ANO10: variants seen among roughly 807,000 people sequenced by gnomAD.
The protein encoded by ANO10 is anoctamin 10.
Under a neutral mutation model 74.7 loss-of-function variants are expected in ANO10, and 77 were observed. The observed-to-expected ratio is 1.03, with a 90% confidence interval of 0.86 to 1.25. The LOEUF is 1.25. Among genes scored for constraint, ANO10 ranks in the 50% most tolerant of loss-of-function variants. The pLI, the probability that ANO10 is intolerant of heterozygous loss-of-function variation, is 0.00. For synonymous variants in ANO10, 279 were observed against 284.9 expected, an observed-to-expected ratio of 0.98 and a Z score of 0.21; for missense variants, 721 against 778.1, an observed-to-expected ratio of 0.93 and a Z score of 0.87.
In ANO10 at chr3:43,410,128, T is replaced by C. The variant is rs1467436094; in HGVS notation, c.1914+22483A>G. 3.3e-5 allele frequency among the ~76,000 whole-genome samples: 5 copies of C among 151,968 alleles called. No individual in the cohort carries two copies. The South Asian group carries it at 6.2e-4, about 19-fold the overall frequency. ...ATTACCTTTTTCTTCCCTTACGAAA[T>C]CTTCCGTATTTAACATAAGATGACA... On this transcript the variant is annotated intron_variant, in intron 12 of 12. Transcript: ENST00000292246.
intron 11 of ANO10, among the ~76,000 whole-genome samples, chr3:43,538,247 CT>C (rs1415218108): frequency 1.3e-5 from 2 of 151,930 alleles, no homozygotes; most frequent in Non-Finnish European, 2.9e-5. Context: ...GAAACCATTC[CT>C]AAAGAAATGG....
At chr3:43,401,893 C>T (rs529333222) in intron 12 of ANO10, among the ~76,000 whole-genome samples, 2 of 152,202 alleles carry the variant, frequency 1.3e-5, no homozygotes, top group Non-Finnish European at 2.9e-5. Flanking sequence ...CACATGCTAT[C>T]TTCCTTCCTC....
intron 11 of ANO10, among the ~76,000 whole-genome samples, chr3:43,533,876 A>G (rs1394995610): frequency 1.3e-5 from 2 of 152,236 alleles, no homozygotes; most frequent in African/African-American, 4.8e-5. Context: ...AATTTTGTTA[A>G]TTGCCAATAG....
chr3:43,642,984 C>T (rs768000953), intron 1 of ANO10, among the ~76,000 whole-genome samples: 1 of 151,460 alleles, frequency 6.6e-6, no homozygotes, highest in East Asian at 1.9e-4. Flanking sequence ...GTTACATAAC[C>T]TTGTGCAAAT....
At chr3:43,443,493 T>C (rs1042467386) in intron 11 of ANO10, among the ~76,000 whole-genome samples, 6 of 152,050 alleles carry the variant, frequency 3.9e-5, no homozygotes, top group Non-Finnish European at 7.4e-5. Flanking sequence ...TGAGGCTCCC[T>C]TTTCAGTTCA....
intron 1 of ANO10, among the ~76,000 whole-genome samples, chr3:43,677,879 C>T (rs912418324): frequency 1.3e-5 from 2 of 152,220 alleles, no homozygotes; most frequent in African/African-American, 4.8e-5. Context: ...GGAAATGACA[C>T]AGCATCACTT....
chr3:43,430,438 C>T (rs1426346532), intron 12 of ANO10, among the ~76,000 whole-genome samples: 1 of 151,538 alleles, frequency 6.6e-6, no homozygotes, highest in African/African-American at 2.4e-5. Flanking sequence ...ATCTGTCAAC[C>T]TTGAATTTTG....
chr3:43,459,743 TTAGTGAGGGCTCGCCCATGGAAGGAGG>T (rs1340925645), intron 11 of ANO10, among the ~76,000 whole-genome samples: 7 of 151,824 alleles, frequency 4.6e-5, no homozygotes, highest in African/African-American at 1.5e-4. Context: ...ATGGTAGGAG[TTAGTGAGGGCTCGCCCATGGAAGGAGG>T]GACTGAGCTC....
chr3:43,419,545 A>G (rs2092789956), intron 12 of ANO10, among the ~76,000 whole-genome samples: 2 of 146,244 alleles, frequency 1.4e-5, no homozygotes, highest in South Asian at 4.3e-4. Context: ...TTTTTTTGAG[A>G]TGGAGTCTTG....
chr3:43,619,568 G>A (rs1307914255), intron 1 of ANO10, among the ~76,000 whole-genome samples: 1 of 151,768 alleles, frequency 6.6e-6, no homozygotes, highest in Non-Finnish European at 1.5e-5. Flanking sequence ...CTCTTCCAGG[G>A]GCTGGGCACA....
intron 12 of ANO10, among the ~76,000 whole-genome samples, chr3:43,383,566 C>G (rs752844293): frequency 3.3e-5 from 5 of 151,182 alleles, no homozygotes; most frequent in Non-Finnish European, 7.4e-5. Context: ...ACCACATAAA[C>G]CAAATAAAAA....
chr3:43,674,310 T>A (rs1449622607), intron 1 of ANO10, among the ~76,000 whole-genome samples: 1 of 152,150 alleles, frequency 6.6e-6, no homozygotes, highest in Non-Finnish European at 1.5e-5. Context: ...CAGCTAATTG[T>A]TTACTTATTT....
intron 1 of ANO10, among the ~76,000 whole-genome samples, chr3:43,653,930 T>G (rs1164157717): frequency 1.7e-5 from 2 of 117,298 alleles, no homozygotes; most frequent in Admixed American, 1.6e-4. Context: ...TGCTGGGGTT[T>G]TTTTTTTTTT....
At chr3:43,377,371 C>T (rs1276309091) in intron 12 of ANO10, among the ~76,000 whole-genome samples, 1 of 152,178 alleles carries the variant, frequency 6.6e-6, no homozygotes, top group Non-Finnish European at 1.5e-5. Flanking sequence ...CAGGTGTGAG[C>T]CCCCGCACAG....
At chr3:43,660,480 C>T (rs986424781) in intron 1 of ANO10, among the ~76,000 whole-genome samples, 1 of 151,740 alleles carries the variant, frequency 6.6e-6, no homozygotes, top group African/African-American at 2.4e-5. Context: ...TTCGATCAAG[C>T]AGAAGAAAGG....
chr3:43,605,453 T>C (rs1027631734), intron 2 of ANO10, among the ~76,000 whole-genome samples: 9 of 152,212 alleles, frequency 5.9e-5, no homozygotes, highest in Admixed American at 5.2e-4. Context: ...GTAGGCATAC[T>C]ATTTAGAGCT....
intron 11 of ANO10, among the ~76,000 whole-genome samples, chr3:43,459,904 C>A (rs934823585): frequency 1.3e-5 from 2 of 152,150 alleles, no homozygotes; most frequent in East Asian, 3.9e-4. Context: ...GGGTCACAAA[C>A]CAGTAAATGG....
At position 43,577,152 on chromosome 3, in the gene ANO10, C is replaced by T. The variant is rs1313835738; in HGVS notation, c.702G>A (p.Leu234=). 3 of 1,614,030 alleles carry T rather than the reference C, an allele frequency of 1.9e-6. No individual in the cohort carries two copies. The highest frequency in any genetic ancestry group is 2.5e-6 in the Non-Finnish European group (3 of 1,180,024). The part of the protein sequence containing the change: ...PMAVIGLPYY[L]FVWEDYDKYV... ...ACTTGTCATAGTCTTCCCACACAAACAAGTAGTAAGGTAACCCAATGACAG... is the reference window on the plus strand; with the variant it reads ...ACTTGTCATAGTCTTCCCACACAAATAAGTAGTAAGGTAACCCAATGACAG... The change falls in exon 6 of 13, where the codon TTG becomes TTA. Residue 234 remains leucine, a synonymous_variant. Transcript: ENST00000292246.
intron 1 of ANO10, among the ~76,000 whole-genome samples, chr3:43,665,489 T>C (rs1050579094): frequency 7.9e-5 from 12 of 152,150 alleles, no homozygotes; most frequent in Non-Finnish European, 1.2e-4. Context: ...AAACTGCACG[T>C]TCTGCACATG....
Sources: gnomAD v4.1 joint callset for allele counts (sites outside exome capture counted in the v4.1 genomes callset) on GRCh38, gnomAD v4.1.1 for gene constraint, MANE v1.5 for transcripts, NCBI Gene and HGNC (gene_info 2026-07-23, HGNC 2026-07-21) for gene names.